SMOC2: variants seen among roughly 807,000 people sequenced by gnomAD.
The protein encoded by SMOC2 is SPARC-related modular calcium-binding protein 2.
SMOC2 carries 39 observed loss-of-function variants against 61.4 expected under a neutral mutation model. The ratio of observed to expected loss-of-function variants is 0.64; its 90% CI spans 0.49 to 0.83. The LOEUF (loss-of-function observed/expected upper bound fraction) is 0.83. Among genes scored for constraint, SMOC2 ranks in the 40% least tolerant of loss-of-function variants. The pLI, the probability that SMOC2 is intolerant of heterozygous loss-of-function variation, is 0.00. For synonymous variants in SMOC2, 247 were observed against 239.9 expected (o/e 1.03, Z -0.27); for missense variants, 556 against 592.9 (o/e 0.94, Z 0.65).
At chr6:168,627,435 A>T (rs1018533540) in intron 9 of SMOC2, among the ~76,000 whole-genome samples, 3 of 152,036 alleles carry the variant, frequency 2.0e-5, no homozygotes, top group African/African-American at 7.2e-5. Flanking sequence ...TTTTTATTAG[A>T]TTTCCCTCTT....
At chr6:168,573,734 C>T (rs1784729138) in intron 7 of SMOC2, among the ~76,000 whole-genome samples, 1 of 152,214 alleles carries the variant, frequency 6.6e-6, no homozygotes, top group Non-Finnish European at 1.5e-5. Context: ...AGGACCCCGC[C>T]TCCCCACCCT....
At chr6:168,476,552 A>G (rs565704995) in intron 1 of SMOC2, among the ~76,000 whole-genome samples, 15 of 151,924 alleles carry the variant, frequency 9.9e-5, no homozygotes, top group Admixed American at 5.9e-4. Context: ...GTATTTTAAA[A>G]TATTTTGTTT....
chr6:168,596,736 T>G (rs1233573331), intron 7 of SMOC2, among the ~76,000 whole-genome samples: 1 of 152,264 alleles, frequency 6.6e-6, no homozygotes, highest in East Asian at 1.9e-4. Context: ...CAGAAAGAAA[T>G]GCAAATCATC....
At chr6:168,599,502 T>A (rs1393394634) in intron 8 of SMOC2, among the ~76,000 whole-genome samples, 4 of 32,252 alleles carry the variant, frequency 1.2e-4, no homozygotes, top group Admixed American at 4.6e-4. Flanking sequence ...ACACACCCAC[T>A]GACACTCACA....
At chr6:168,599,406 ACACACATT>A (rs1251810302) in intron 8 of SMOC2, among the ~76,000 whole-genome samples, 3 of 121,130 alleles carry the variant, frequency 2.5e-5, no homozygotes, top group Non-Finnish European at 3.4e-5. Flanking sequence ...ACACTGACAC[ACACACATT>A]CATACCCCCC....
intron 1 of SMOC2, among the ~76,000 whole-genome samples, chr6:168,469,289 T>C (rs1781915786): frequency 6.6e-6 from 1 of 152,234 alleles, no homozygotes; most frequent in Non-Finnish European, 1.5e-5. Flanking sequence ...TCAGTCATGG[T>C]GGAACCCCTG....
intron 2 of SMOC2, among the ~76,000 whole-genome samples, chr6:168,523,583 TA>T (rs1174278176): frequency 6.6e-6 from 1 of 150,892 alleles, no homozygotes; most frequent in Non-Finnish European, 1.5e-5. Context: ...TTATTTTTAG[TA>T]GAGACGGGGT....
chr6:168,497,247 G>A (rs749103176), intron 1 of SMOC2, among the ~76,000 whole-genome samples: 3 of 152,352 alleles, frequency 2.0e-5, no homozygotes, highest in South Asian at 2.1e-4. Context: ...TCAGCTGTGC[G>A]TGGTCAAATG....
chr6:168,458,754 C>T (rs1562539150), intron 1 of SMOC2, among the ~76,000 whole-genome samples: 2 of 152,176 alleles, frequency 1.3e-5, no homozygotes, highest in African/African-American at 4.8e-5. Context: ...CTGTGTGCCT[C>T]ACACCCCCAG....
intron 9 of SMOC2, among the ~76,000 whole-genome samples, chr6:168,612,159 G>A (rs937850905): frequency 1.9e-4 from 29 of 152,312 alleles, no homozygotes; most frequent in African/African-American, 6.7e-4. Context: ...TTCCAGTGTG[G>A]GGAGAGGGTG....
intron 7 of SMOC2, among the ~76,000 whole-genome samples, chr6:168,586,894 T>G (rs1785058194): frequency 6.6e-6 from 1 of 152,238 alleles, no homozygotes; most frequent in African/African-American, 2.4e-5. Context: ...GTGAGATTAT[T>G]ACTAATCTAA....
intron 2 of SMOC2, among the ~76,000 whole-genome samples, chr6:168,518,176 A>G (rs776288534): frequency 1.3e-5 from 2 of 152,174 alleles, no homozygotes; most frequent in African/African-American, 2.4e-5. Flanking sequence ...ACCCCCGCAC[A>G]AGCGCCCGGG....
chr6:168,463,408 C>T (rs570410503), intron 1 of SMOC2, among the ~76,000 whole-genome samples: 3 of 152,254 alleles, frequency 2.0e-5, no homozygotes, highest in African/African-American at 4.8e-5. Flanking sequence ...GCTCATTCCC[C>T]AGTGAGGCCT....
intron 7 of SMOC2, among the ~76,000 whole-genome samples, chr6:168,556,507 G>A (rs1238434378): frequency 1.3e-5 from 2 of 152,070 alleles, no homozygotes; most frequent in African/African-American, 4.8e-5. Flanking sequence ...CATCCCACGC[G>A]GGCGCTGGAG....
intron 1 of SMOC2, among the ~76,000 whole-genome samples, chr6:168,478,753 T>C (rs1211533007): frequency 6.6e-6 from 1 of 152,180 alleles, no homozygotes; most frequent in Non-Finnish European, 1.5e-5. Flanking sequence ...ATATTGTATC[T>C]GGTCTAGAAC....
At chr6:168,567,696 C>G (rs1039950924) in intron 7 of SMOC2, among the ~76,000 whole-genome samples, 4 of 152,190 alleles carry the variant, frequency 2.6e-5, no homozygotes, top group Admixed American at 6.5e-5. Context: ...ATTTCCGAGA[C>G]TAGAGGACTT....
intron 7 of SMOC2, 39 bp downstream of exon 7, chr6:168,549,242 T>A: frequency 6.3e-7 from 1 of 1,579,974 alleles, no homozygotes; most frequent in Non-Finnish European, 8.7e-7. Context: ...AGGAGTGATT[T>A]AATAGATCTA....
intron 2 of SMOC2, among the ~76,000 whole-genome samples, chr6:168,523,898 G>A (rs1783394764): frequency 1.3e-5 from 2 of 152,138 alleles, no homozygotes; most frequent in Non-Finnish European, 1.5e-5. Context: ...TGTAAATAAG[G>A]TTTCCAGGGG....
intron 1 of SMOC2, among the ~76,000 whole-genome samples, chr6:168,495,914 G>A (rs916853193): frequency 1.3e-5 from 2 of 152,206 alleles, no homozygotes; most frequent in African/African-American, 2.4e-5. Flanking sequence ...GGTCAGGGCC[G>A]GGCCGAGCTG....
Sources: gnomAD v4.1 joint callset for allele counts (sites outside exome capture counted in the v4.1 genomes callset) on GRCh38, gnomAD v4.1.1 for gene constraint, MANE v1.5 for transcripts, NCBI Gene and HGNC (gene_info 2026-07-23, HGNC 2026-07-21) for gene names.